The following NEB variants were observed in gnomAD, a reference collection of about 807,000 sequenced individuals.
NEB encodes the protein nemaline myopathy type 2.
In NEB, 512 loss-of-function variants were observed where a neutral mutation model predicts 952.2. The observed-to-expected ratio is 0.54, with a 90% CI of 0.50 to 0.58. The LOEUF is 0.58. NEB is among the 20% of genes least tolerant of loss of function. The probability of loss-of-function intolerance (pLI) is 0.00; values close to 1 mark genes in which losing one functional copy is unlikely to be tolerated. For synonymous variants in NEB, 2,900 were observed against 3,149.8 expected (o/e 0.92, Z 2.66); for missense variants, 8,428 against 9,231.1 (o/e 0.91, Z 3.56).
chr2:151,617,727 A>ATT (rs572030936), intron 74 of NEB, among the ~76,000 whole-genome samples: 69 of 146,424 alleles, frequency 4.7e-4, no homozygotes, highest in African/African-American at 1.6e-3. Flanking sequence ...AGCACACAGT[A>ATT]TTTTTTTTTT....
Position 151,563,642 on chromosome 2 carries a change from C to T in NEB, c.18657G>A (p.Val6219=), listed in dbSNP as rs942335775. Residue 6219 remains valine (V), a synonymous_variant, in exon 119 of 182, where the codon GTG becomes GTA. Coordinates refer to ENST00000397345, the MANE Select transcript of NEB (RefSeq NM_001164508.2). ...TCTTTTGGAAATCCAGACAGTGAAC[C>T]ACACCAGGGAATTCACCGATCACTT... ...AGKVIGEFPG[V]VHCLDFQKMR... 5 of 1,613,846 alleles carry T rather than the reference C, an allele frequency of 3.1e-6. No homozygotes were observed. The highest frequency in any genetic ancestry group is 1.7e-4 in the Middle Eastern group (1 of 6,060).
At chr2:151,519,834 T>G (rs192871991) in intron 153 of NEB, 66 bp from the exon 154 acceptor site, 20 of 1,058,068 alleles carry the variant, frequency 1.9e-5, no homozygotes, top group Middle Eastern at 2.0e-4. Flanking sequence ...TGGGGAATAG[T>G]AGAAACACAA....
chr2:151,653,975 C>T lies in NEB; in HGVS notation c.6915+17G>A, dbSNP rs1234550568. 1.3e-6 allele frequency: 2 copies of T among 1,558,976 alleles called. No homozygotes were observed. Among genetic ancestry groups the T allele is most frequent in the African/African-American group, 2.7e-5 (2 of 73,720 alleles). ...CAGATAAAAATATAGCCTTATAGAA[C>T]TCAAACTAGTACTCACATCACTAGC... On this transcript the variant is annotated intron_variant, in intron 52 of 181. Coordinates refer to ENST00000397345, the MANE Select transcript of NEB (RefSeq NM_001164508.2).
At chr2:151,514,032 AGT>A (rs1330695581) in intron 159 of NEB, among the ~76,000 whole-genome samples, 1 of 152,262 alleles carries the variant, frequency 6.6e-6, no homozygotes, top group Non-Finnish European at 1.5e-5. Flanking sequence ...ACTCCAGTGT[AGT>A]GTTTTCGTGT....
rs760128419 is a variant in NEB at position 151,508,023 on chromosome 2, G to A, written c.23433C>T (p.Asn7811=). ...DTPEIQRVRE[N]QKNFSLLQYQ... ...AACTTACAAGGCTGAAGTTCTTTTG[G>A]TTCTCCCGGACTCTCTGTATCTCTG... The change falls in exon 162 of 182, where the codon AAC becomes AAT. Residue 7811 remains asparagine (N), a synonymous_variant. Coordinates refer to ENST00000397345, the MANE Select transcript of NEB (RefSeq NM_001164508.2). 2 of 1,608,588 alleles carry A rather than the reference G, an allele frequency of 1.2e-6. No individual in the cohort carries two copies. The highest frequency in any genetic ancestry group is 1.7e-6 in the Non-Finnish European group (2 of 1,177,026).
intron 32 of NEB, among the ~76,000 whole-genome samples, 189 bp from the exon 33 acceptor site, chr2:151,678,376 A>G (rs1474126610): frequency 1.3e-5 from 2 of 152,140 alleles, no homozygotes; most frequent in Admixed American, 1.3e-4. Flanking sequence ...GTATTATGGA[A>G]CCCATTTGAT....
intron 32 of NEB, 61 bp downstream of exon 32, chr2:151,679,660 G>GGGGCCCCCCCCCCCCCCC: frequency 7.3e-6 from 5 of 682,634 alleles, no homozygotes; most frequent in Non-Finnish European, 1.1e-5. Context: ...GTCATCGTCA[G>GGGGCCCCCCCCCCCCCCC]ACCCCAAGCC....
Position 151,682,753 on chromosome 2 carries a change from T to C in NEB, c.2852A>G (p.Asp951Gly). 1 of 1,613,168 alleles carries C rather than the reference T, an allele frequency of 6.2e-7. No individual in the cohort carries two copies. The change falls in exon 29 of 182, where the codon GAC becomes GGC. Residue 951 changes from aspartate to glycine, a missense_variant. Asp to Gly is a moderately conservative substitution (Grantham distance 94). This residue lies in a region of NEB where 2,851 missense variants were observed against 2,791.5 expected (regional missense o/e 1.02). Coordinates refer to ENST00000397345, the MANE Select transcript of NEB (RefSeq NM_001164508.2). ...ACAACCTTTCATCCAGCTATTGTAG[T>C]CAGCTTTGTATTCAACCTAAAACAC... Reference protein sequence around the residue: ...ALQSDVEYKADYNSWMKGCGW... With the variant: ...ALQSDVEYKAGYNSWMKGCGW...
intron 10 of NEB, among the ~76,000 whole-genome samples, chr2:151,712,223 A>G (rs2099747356): frequency 6.6e-6 from 1 of 152,124 alleles, no homozygotes; most frequent in South Asian, 2.1e-4. Flanking sequence ...GGAAGGGGCA[A>G]TTGGGCCTGA....
chr2:151,576,504 ATATATATATATATTTTTTT>A (rs2096842668), intron 105 of NEB, 150 bp from the exon 106 acceptor site: 1 of 37,360 alleles, frequency 2.7e-5, no homozygotes, highest in African/African-American at 1.6e-4. Context: ...ATATATATAT[ATATATATATATATTTTTTT>A]TTTTTTTTTT....
chr2:151,488,776 G>A (rs1055568293), intron 181 of NEB, among the ~76,000 whole-genome samples: 3 of 152,130 alleles, frequency 2.0e-5, no homozygotes, highest in Non-Finnish European at 4.4e-5. Flanking sequence ...TTACTAAATA[G>A]ATAACTGGTT....
At position 151,610,504 on chromosome 2, in the gene NEB, G is replaced by C. The variant is rs764573901; in HGVS notation, c.12018+12C>G. The C allele has an allele frequency of 6.3e-7, 1 of 1,584,148 alleles. No individual in the cohort carries two copies. Among genetic ancestry groups the C allele is most frequent in the South Asian group, 1.1e-5 (1 of 90,438 alleles). ...AGTGGAGACCACAGAGAGTTAGATG[G>C]AAGGTACTCACGTCACTGGCGATGT... On this transcript the variant is annotated intron_variant, in intron 80 of 181. Transcript: ENST00000397345.
intron 166 of NEB, chr2:151,503,114 A>G (rs1050031928): frequency 1.7e-6 from 1 of 585,754 alleles, no homozygotes; most frequent in Non-Finnish European, 3.0e-6. Flanking sequence ...ACGCTGAGGA[A>G]TCTTGTTAAT....
chr2:151,512,604 G>A (rs2075391142), intron 161 of NEB, 129 bp downstream of exon 161: 10 of 755,742 alleles, frequency 1.3e-5, no homozygotes, highest in East Asian at 5.4e-5. Context: ...GTGAGCCACT[G>A]CACCTGGTGA....
intron 153 of NEB, among the ~76,000 whole-genome samples, chr2:151,523,876 T>C (rs529838581): frequency 1.2e-4 from 18 of 152,192 alleles, no homozygotes; most frequent in Admixed American, 1.0e-3. Context: ...AGTTAATATA[T>C]GTATGTTTAA....
At chr2:151,690,216 T>A (rs1161683515) in intron 24 of NEB, 1 of 161,086 alleles carries the variant, frequency 6.2e-6, no homozygotes, top group Non-Finnish European at 1.4e-5. Context: ...TGTCTTAGAC[T>A]TTCTTTGACC....
rs537560378 is a variant in NEB at position 151,506,189 on chromosome 2, G to A, written c.23626C>T (p.Gln7876Ter). 2 of 1,613,318 alleles carry A rather than the reference G, an allele frequency of 1.2e-6. No homozygotes were observed. The highest frequency in any genetic ancestry group is 2.2e-5 in the South Asian group (2 of 91,056). The change falls in exon 164 of 182, where the codon CAA (glutamine) becomes TAA (stop). Residue 7876 changes from glutamine (Q) to a stop codon, truncating the protein, a stop_gained. Transcript: ENST00000397345. LOFTEE classifies it high-confidence loss of function. ...GKTPEMMRVK[Q>*]TQDHISSVKY... ...ACCGAGCTAATGTGGTCCTGTGTTT[G>A]TTTCACTCTCATCATCTCAGGTGTC...
rs1359128298 is a variant in NEB at position 151,485,842 on chromosome 2, A to G, written c.25496T>C (p.Ile8499Thr). 4 of 1,613,948 alleles carry G rather than the reference A, an allele frequency of 2.5e-6. No individual in the cohort carries two copies. Among genetic ancestry groups the G allele is most frequent in the African/African-American group, 2.7e-5 (2 of 74,928 alleles). Reference sequence around the variant, plus strand: ...AGTGCCATACATCCAGCCTTCATCAATTGCTTGAACATTTATGATGGCATC... The same window carrying G: ...AGTGCCATACATCCAGCCTTCATCAGTTGCTTGAACATTTATGATGGCATC... Reference protein sequence around the residue: ...DGDAIINVQAIDEGWMYGTVQ... With the variant: ...DGDAIINVQATDEGWMYGTVQ... The change falls in exon 182 of 182, where the codon ATT becomes ACT. Residue 8499 changes from isoleucine to threonine, a missense_variant. Around this residue, in one of 11 missense-constraint regions of NEB, gnomAD observed 3,374 missense variants for 3,651.5 expected, o/e 0.92. Transcript: ENST00000397345.
chr2:151,695,520 C>G (rs1439109473), intron 18 of NEB, 58 bp downstream of exon 18: 1 of 1,253,064 alleles, frequency 8.0e-7, no homozygotes, highest in Non-Finnish European at 1.2e-6. Flanking sequence ...CAAAGCAGTT[C>G]AAACATAAAA....
Sources: allele counts gnomAD v4.1 joint callset (sites outside exome capture counted in the v4.1 genomes callset), GRCh38; gene constraint gnomAD v4.1.1; regional missense constraint gnomAD v4.1.1; transcripts MANE v1.5; gene names NCBI Gene and HGNC (gene_info 2026-07-23, HGNC 2026-07-21).